The following RFTN1 variants were observed in gnomAD, a reference collection of about 807,000 sequenced individuals.
RFTN1 encodes raftlin.
A neutral mutation model predicts 46.5 loss-of-function variants in RFTN1; 26 were observed. The observed-to-expected ratio is 0.56, with a 90% confidence interval of 0.41 to 0.78. The LOEUF is 0.78. Ranked by LOEUF, RFTN1 falls within the 30% of genes least tolerant of loss-of-function variation. The pLI is 0.00. For synonymous variants in RFTN1, 261 were observed against 284.2 expected (o/e 0.92, Z 0.82); for missense variants, 693 against 718.7 (o/e 0.96, Z 0.41).
intron 4 of RFTN1, among the ~76,000 whole-genome samples, chr3:16,392,682 T>C (rs2881534): frequency 0.052 from 2,070 of 40,112 alleles, 17 homozygotes; most frequent in African/African-American, 0.11. Context: ...CACACACACA[T>C]ATATATATAT....
chr3:16,403,774 T>A (rs2074689860), intron 4 of RFTN1, among the ~76,000 whole-genome samples: 1 of 17,614 alleles, frequency 5.7e-5, no homozygotes, highest in Non-Finnish European at 8.6e-5. Context: ...TAATATATAA[T>A]ATATATTATA....
Position 16,426,877 on chromosome 3 carries a change from T to C in RFTN1, c.332+6974A>G, listed in dbSNP as rs1416611454. Among the ~76,000 whole-genome samples the C allele has an allele frequency of 1.3e-5, 2 of 152,208 alleles. No individual in the cohort carries two copies. Among genetic ancestry groups the C allele is most frequent in the African/African-American group, 2.4e-5 (1 of 41,450 alleles). On this transcript the variant is annotated intron_variant, in intron 3 of 9. Coordinates refer to ENST00000334133, the MANE Select transcript of RFTN1 (RefSeq NM_015150.2). This position sits in a 1 kb window ranked among gnomAD's most constrained non-coding sequence, Gnocchi z 5.9. ...TCCCACTCAATTCATGCAAAATCTA[T>C]TGAGCAATATCTATTCAAGGCCTGG...
intron 3 of RFTN1, among the ~76,000 whole-genome samples, chr3:16,420,195 G>C (rs1223399778): frequency 1.3e-5 from 2 of 152,166 alleles, no homozygotes; most frequent in Non-Finnish European, 2.9e-5. Context: ...AGTTGTGAAA[G>C]AATTTCAATG....
chr3:16,469,242 T>G (rs576701739), intron 2 of RFTN1, among the ~76,000 whole-genome samples: 1 of 152,362 alleles, frequency 6.6e-6, no homozygotes, highest in African/African-American at 2.4e-5. Context: ...TATACTTCAC[T>G]GAGTGTTGTG....
rs2125385855 is a variant in RFTN1, at chr3:16,381,973, TC to T, written c.442-3872del. Among the ~76,000 whole-genome samples the T allele has an allele frequency of 6.6e-6, 1 of 152,338 alleles. No homozygotes were observed. The highest frequency in any genetic ancestry group is 2.1e-4 in the South Asian group (1 of 4,828). ...ACTGCAAGATTTCTTCGAATGCTCA[TC>T]TTTTACCTTCAACTTCAGCACAAAT... is the stretch of plus-strand genomic sequence containing the variant. On this transcript the variant is annotated intron_variant, in intron 4 of 9. Transcript: ENST00000334133. This position sits in a 1 kb window ranked among gnomAD's most constrained non-coding sequence, Gnocchi z 4.2.
In RFTN1 at chr3:16,465,964, CA is replaced by C. The variant is rs1273562121; in HGVS notation, c.145+27760del. On this transcript the variant is annotated intron_variant, in intron 2 of 9. Coordinates refer to ENST00000334133, the MANE Select transcript of RFTN1 (RefSeq NM_015150.2). The surrounding 1 kb of genome is among the most constrained non-coding windows in gnomAD (Gnocchi z 5.1). ...GACAAGATTCCATAGTTGTTTCTCTCAGCGCTTAGATTTCTCCAGAGGCAGA... is the reference window on the plus strand; with the variant it reads ...GACAAGATTCCATAGTTGTTTCTCTCGCGCTTAGATTTCTCCAGAGGCAGA... Among the ~76,000 whole-genome samples, 8 of 152,318 alleles carry C rather than the reference CA, an allele frequency of 5.3e-5. No homozygotes were observed. In the East Asian group the frequency reaches 1.5e-3, roughly 29 times the overall value.
rs567483845 is a variant in RFTN1 at position 16,342,954 on chromosome 3, T to A, written c.1146+14978A>T. 1.3e-5 allele frequency among the ~76,000 whole-genome samples: 2 copies of A among 152,200 alleles called. No individual in the cohort carries two copies. The highest frequency in any genetic ancestry group is 3.9e-4 in the East Asian group (2 of 5,184). Reference sequence around the variant, plus strand: ...TCCCAGGCTCAAGTGAGCCTCCCACTACAGCCCCTCTGAGTCGCTGGGAAT... The same window carrying A: ...TCCCAGGCTCAAGTGAGCCTCCCACAACAGCCCCTCTGAGTCGCTGGGAAT... On this transcript the variant is annotated intron_variant, in intron 7 of 9. Transcript: ENST00000334133. This position sits in a 1 kb window ranked among gnomAD's most constrained non-coding sequence, Gnocchi z 4.0.
intron 2 of RFTN1, among the ~76,000 whole-genome samples, chr3:16,461,919 A>G (rs544144137): frequency 2.2e-4 from 34 of 152,342 alleles, no homozygotes; most frequent in Non-Finnish European, 4.6e-4. Context: ...TATACTCTTA[A>G]TAATCCAGGT....
At chr3:16,331,889 A>ATTAGTTAACTAATAGTTCAGCC (rs1192804170) in intron 7 of RFTN1, among the ~76,000 whole-genome samples, 3 of 152,262 alleles carry the variant, frequency 2.0e-5, no homozygotes, top group Non-Finnish European at 2.9e-5. Context: ...TAGTTTAGGT[A>ATTAGTTAACTAATAGTTCAGCC]CAGACGTCTG....
chr3:16,503,036 G>T (rs114554917), intron 1 of RFTN1, among the ~76,000 whole-genome samples: 3 of 152,258 alleles, frequency 2.0e-5, no homozygotes, highest in African/African-American at 7.2e-5. Flanking sequence ...CACAATAAAA[G>T]ATACCTAATA....
chr3:16,325,107 A>T (rs1215596373), intron 8 of RFTN1, among the ~76,000 whole-genome samples: 10 of 152,254 alleles, frequency 6.6e-5, no homozygotes, highest in Non-Finnish European at 1.0e-4. Flanking sequence ...TGTAAGAAAA[A>T]GGAGGGAGAG....
At chr3:16,405,173 C>A (rs968583120) in intron 4 of RFTN1, among the ~76,000 whole-genome samples, 2 of 152,136 alleles carry the variant, frequency 1.3e-5, no homozygotes, top group African/African-American at 4.8e-5. Context: ...GAGGCCCCCA[C>A]GGACCTGCCA....
chr3:16,452,306 G>T lies in RFTN1; in HGVS notation c.146-18269C>A, dbSNP rs190059812. On this transcript the variant is annotated intron_variant, in intron 2 of 9. Coordinates refer to ENST00000334133, the MANE Select transcript of RFTN1 (RefSeq NM_015150.2). The surrounding 1 kb of genome is among the most constrained non-coding windows in gnomAD (Gnocchi z 6.3). ...ATAATAGCTGTCAAGGTAGATGAAGGTAAGGATATAATAGAAGGCGAAGGG... is the reference window on the plus strand; with the variant it reads ...ATAATAGCTGTCAAGGTAGATGAAGTTAAGGATATAATAGAAGGCGAAGGG... Among the ~76,000 whole-genome samples the T allele has an allele frequency of 1.4e-3, 209 of 151,870 alleles. No homozygotes were observed. The highest frequency in any genetic ancestry group is 4.7e-3 in the African/African-American group (192 of 41,152).
Position 16,507,720 on chromosome 3 carries a change from TACACACAA to T in RFTN1, c.-9+5714_-9+5721del, listed in dbSNP as rs1478426869. ...ACACACATACATACACATACACACA[TACACACAA>T]ACACATACACACATACATGCACACT... On this transcript the variant is annotated intron_variant, in intron 1 of 9. Coordinates refer to ENST00000334133, the MANE Select transcript of RFTN1 (RefSeq NM_015150.2). This position sits in a 1 kb window ranked among gnomAD's most constrained non-coding sequence, Gnocchi z 7.1. Among the ~76,000 whole-genome samples, 1 of 144,998 alleles carries T rather than the reference TACACACAA, an allele frequency of 6.9e-6. No individual in the cohort carries two copies. Among genetic ancestry groups the T allele is most frequent in the Non-Finnish European group, 1.5e-5 (1 of 66,056 alleles).
rs1277786181 is a variant in RFTN1 at position 16,384,712 on chromosome 3, C to G, written c.442-6610G>C. Among the ~76,000 whole-genome samples, 1 of 152,054 alleles carries G rather than the reference C, an allele frequency of 6.6e-6. No homozygotes were observed. The highest frequency in any genetic ancestry group is 6.6e-5 in the Admixed American group (1 of 15,266). On this transcript the variant is annotated intron_variant, in intron 4 of 9. Transcript: ENST00000334133. This position sits in a 1 kb window ranked among gnomAD's most constrained non-coding sequence, Gnocchi z 4.7. ...GCTAAAAAATAGAGAGCTGTGCTGT[C>G]CAATAGGTAGCCACTAGCCACATGT...
rs373906392 is a variant in RFTN1 at position 16,316,795 on chromosome 3, A to G, written c.*33T>C. The G allele has an allele frequency of 4.2e-5, 68 of 1,612,030 alleles. No homozygotes were observed. In the Admixed American group the frequency reaches 1.1e-3, roughly 25 times the overall value. ...TTGGTAAGATGCCTTGGGTTTGGCA[A>G]CTCACCTAGTTTTAGCACAAATTGC... On this transcript the variant is annotated 3_prime_UTR_variant, in exon 10 of 10. Transcript: ENST00000334133. The surrounding 1 kb of genome is among the most constrained non-coding windows in gnomAD (Gnocchi z 4.5).
intron 1 of RFTN1, among the ~76,000 whole-genome samples, chr3:16,496,935 T>C (rs2124998319): frequency 6.6e-6 from 1 of 152,104 alleles, no homozygotes; most frequent in African/African-American, 2.4e-5. Flanking sequence ...TTAATGAATC[T>C]CAAAAATCAA....
chr3:16,345,754 A>G lies in RFTN1; in HGVS notation c.1146+12178T>C, dbSNP rs1559843043. On this transcript the variant is annotated intron_variant, in intron 7 of 9. Coordinates refer to ENST00000334133, the MANE Select transcript of RFTN1 (RefSeq NM_015150.2). This position sits in a 1 kb window ranked among gnomAD's most constrained non-coding sequence, Gnocchi z 5.2. ...CAGACTGTGGGACTCCTCAGCCTCC[A>G]TAATCACATGAGCCAAAACCTTATA... Among the ~76,000 whole-genome samples the G allele has an allele frequency of 6.6e-6, 1 of 151,000 alleles. No individual in the cohort carries two copies. Among genetic ancestry groups the G allele is most frequent in the Non-Finnish European group, 1.5e-5 (1 of 67,716 alleles).
At chr3:16,511,036 G>T (rs974175555) in intron 1 of RFTN1, among the ~76,000 whole-genome samples, 1 of 152,138 alleles carries the variant, frequency 6.6e-6, no homozygotes, top group African/African-American at 2.4e-5. Flanking sequence ...ACACAATATT[G>T]CAGAATTCCA....
Sources: allele counts gnomAD v4.1 joint callset (sites outside exome capture counted in the v4.1 genomes callset), GRCh38; gene constraint gnomAD v4.1.1; non-coding constraint Gnocchi (gnomAD v3.1); transcripts MANE v1.5; gene names NCBI Gene and HGNC (gene_info 2026-07-23, HGNC 2026-07-21).